CP: variants seen among roughly 807,000 people sequenced by gnomAD.
CP encodes the protein caeruloplasmin.
Under a neutral mutation model 122.4 loss-of-function variants are expected in CP, and 64 were observed. The ratio of observed to expected loss-of-function variants is 0.52; its 90% CI spans 0.43 to 0.64. The LOEUF is 0.64. Ranked by LOEUF, CP falls within the 30% of genes least tolerant of loss-of-function variation. The pLI is 0.00. For synonymous variants in CP, 440 were observed against 436.4 expected, an observed-to-expected ratio of 1.01 and a Z score of -0.10; for missense variants, 1,167 against 1,284.4, an observed-to-expected ratio of 0.91 and a Z score of 1.40.
intron 1 of CP, among the ~76,000 whole-genome samples, chr3:149,215,958 T>C (rs1368138715): frequency 6.6e-6 from 1 of 152,200 alleles, no homozygotes; most frequent in Non-Finnish European, 1.5e-5. Flanking sequence ...AATAGTAGCA[T>C]AACTATTTTT....
At chr3:149,183,352 A>G in intron 13 of CP, 114 bp downstream of exon 13, 5 of 1,086,508 alleles carry the variant, frequency 4.6e-6, no homozygotes, top group Non-Finnish European at 6.8e-6. Flanking sequence ...TTTTTATTTG[A>G]ACAACTTTGA....
In CP at chr3:149,221,667, C is replaced by A. The variant is rs1388706320; in HGVS notation, c.126G>T (p.Lys42Asn). 1.2e-6 allele frequency: 2 copies of A among 1,611,854 alleles called. No individual in the cohort carries two copies. The highest frequency in any genetic ancestry group is 1.1e-5 in the South Asian group (1 of 90,068). ...CTTACGTGTCAACAGAAATAAGTTT[C>A]TTTTCCCCATGGTCAGAGGCATAAT... The part of the protein sequence containing the change: ...TWDYASDHGE[K>N]KLISVDTEHS... The change falls in exon 1 of 19, where the codon AAG becomes AAT. Residue 42 changes from lysine (K) to asparagine (N), a missense_variant. Physicochemically the swap from Lys to Asn is moderately conservative, Grantham distance 94. This residue lies in a region of CP where 642 missense variants were observed against 627.3 expected (regional missense o/e 1.02). Coordinates refer to ENST00000264613, the MANE Select transcript of CP (RefSeq NM_000096.4).
chr3:149,172,207 GA>G, downstream of CP: 1 of 1,613,296 alleles, frequency 6.2e-7, no homozygotes, highest in Non-Finnish European at 8.5e-7. Flanking sequence ...GCAGTCGAAA[GA>G]AACCATTGAC....
At chr3:149,168,756 G>C (rs1430320138), downstream of CP, among the ~76,000 whole-genome samples, 1 of 152,128 alleles carries the variant, frequency 6.6e-6, no homozygotes, top group East Asian at 1.9e-4. Context: ...CCGTCTCCCT[G>C]ATTGCTTTAG....
chr3:149,186,412 GA>G lies in CP; in HGVS notation c.2077+107del, dbSNP rs1726174062. 4 of 1,052,640 alleles carry G rather than the reference GA, an allele frequency of 3.8e-6. No individual in the cohort carries two copies. In the East Asian group the frequency reaches 1.0e-4, roughly 27 times the overall value. 65.2% of individuals were successfully genotyped at this position (1,052,640 alleles called of 1,614,324 possible). On this transcript the variant is annotated intron_variant, in intron 11 of 18. Coordinates refer to ENST00000264613, the MANE Select transcript of CP (RefSeq NM_000096.4). ...TTTCAAAGATAGGAAGGGCACTTCA[GA>G]GGCTTGGGGAAGGGATAAGTTTATC...
At chr3:149,164,501 C>T (rs947298979) in intron 5 of CP, among the ~76,000 whole-genome samples, 6 of 152,220 alleles carry the variant, frequency 3.9e-5, no homozygotes, top group African/African-American at 1.4e-4. Flanking sequence ...TTAAAGTCCA[C>T]ATTTGACTTG....
chr3:149,208,987 T>C (rs1227650442), intron 4 of CP, among the ~76,000 whole-genome samples: 3 of 152,214 alleles, frequency 2.0e-5, no homozygotes, highest in African/African-American at 7.2e-5. Context: ...ATTGATGCTT[T>C]ATCCTTACCA....
chr3:149,186,523 CTG>C lies in CP; in HGVS notation c.2072_2073del (p.Thr691ArgfsTer5). On this transcript the variant is annotated frameshift_variant, in exon 11 of 19. Coordinates refer to ENST00000264613, the MANE Select transcript of CP (RefSeq NM_000096.4). LOFTEE classifies it high-confidence loss of function. Reference protein sequence around the residue: ...TSLTLHMWPDTEGTFNVECLT... With the variant: ...TSLTLHMWPDXEGTFNVECLT... ...ACTTGGCTTTAAGTAAATATACCCT[CTG>C]TGTCAGGCCACATGTGGAGCGTAAG... The C allele has an allele frequency of 6.2e-7, 1 of 1,614,106 alleles. No individual in the cohort carries two copies. The highest frequency in any genetic ancestry group is 8.5e-7 in the Non-Finnish European group (1 of 1,179,952).
chr3:149,167,571 C>G (rs1724552019), downstream of CP, among the ~76,000 whole-genome samples: 1 of 152,010 alleles, frequency 6.6e-6, no homozygotes, highest in Non-Finnish European at 1.5e-5. Flanking sequence ...AATTTTGGAC[C>G]TTAGTTCTTT....
chr3:149,202,231 C>G lies in CP; in HGVS notation c.1219G>C (p.Val407Leu). Residue 407 changes from valine to leucine, a missense_variant, in exon 7 of 19, where the codon GTG becomes CTG. Physicochemically the swap from Val to Leu is conservative, Grantham distance 32 (BLOSUM62 1). Transcript: ENST00000264613. The stretch of plus-strand genomic sequence containing the variant: ...CTTGTGGTACCTTGTTCAAAAAACA[C>G]CGCTGAGTCACTGCAGGGGGAAAAA... Reference protein sequence around the residue: ...NLTAPGSDSAVFFEQGTTRIG... With the variant: ...NLTAPGSDSALFFEQGTTRIG... The G allele has an allele frequency of 6.2e-7, 1 of 1,614,154 alleles. No individual in the cohort carries two copies. Among genetic ancestry groups the G allele is most frequent in the Non-Finnish European group, 8.5e-7 (1 of 1,180,024 alleles).
At chr3:149,163,729 A>G (rs1724118917) in intron 5 of CP, 4 of 666,226 alleles carry the variant, frequency 6.0e-6, no homozygotes, top group African/African-American at 3.6e-5. Context: ...AGGAAAGTAT[A>G]TACCTAATTC....
At chr3:149,179,709 T>G in intron 14 of CP, 47 bp from the exon 15 acceptor site, 1 of 897,300 alleles carries the variant, frequency 1.1e-6, no homozygotes, top group Non-Finnish European at 1.7e-6. Context: ...TGGTTTATAT[T>G]GTACACACAC....
downstream of CP, among the ~76,000 whole-genome samples, chr3:149,170,828 G>A (rs1429927382): frequency 1.3e-5 from 2 of 152,204 alleles, no homozygotes; most frequent in African/African-American, 4.8e-5. Flanking sequence ...GCACTGACAT[G>A]TGGATAGAAG....
In CP at chr3:149,183,608, TAAAA is replaced by T; in HGVS notation, c.2286-7_2286-4del. 7.8e-7 allele frequency: 1 copy of T among 1,285,328 alleles called. No homozygotes were observed. The highest frequency in any genetic ancestry group is 1.4e-5 in the South Asian group (1 of 69,584). The allele number at this position is 1,285,328 out of a possible 1,614,324, so 79.6% of individuals were successfully genotyped here. A position where few individuals can be genotyped will look rare whatever the true frequency, so the allele number is the denominator to read the frequency against. ...TATCTAAAAATGCATTTGAAACACT[TAAAA>T]AAAAAAACAACTAAGGTTAGTATTT... is the stretch of plus-strand genomic sequence containing the variant. On this transcript the variant is annotated splice_polypyrimidine_tract_variant and splice_region_variant and intron_variant, in intron 12 of 18. Coordinates refer to ENST00000264613, the MANE Select transcript of CP (RefSeq NM_000096.4).
chr3:149,181,602 T>G (rs16861593), intron 14 of CP, among the ~76,000 whole-genome samples: 34,134 of 152,050 alleles, frequency 0.22, 4,168 homozygotes, highest in African/African-American at 0.3. Flanking sequence ...CCAGATACTG[T>G]ACTAGATAGG....
At chr3:149,214,479 C>T (rs1205570423) in intron 1 of CP, among the ~76,000 whole-genome samples, 1 of 152,154 alleles carries the variant, frequency 6.6e-6, no homozygotes, top group Admixed American at 6.5e-5. Flanking sequence ...AAATTATTCA[C>T]TAAAAAAATG....
At position 149,182,002 on chromosome 3, in the gene CP, T is replaced by TA. The variant is rs1725819086; in HGVS notation, c.2554+2dup. ...CCACCCCCACCCCCGCCCCCGTGAG[T>TA]ACCTGGTAATGTTGGAGTAACTGTA... On this transcript the variant is annotated splice_region_variant and intron_variant, in intron 14 of 18. Coordinates refer to ENST00000264613, the MANE Select transcript of CP (RefSeq NM_000096.4). 1 of 387,044 alleles carries TA rather than the reference T, an allele frequency of 2.6e-6. No homozygotes were observed. Among genetic ancestry groups the TA allele is most frequent in the African/African-American group, 4.4e-5 (1 of 22,966 alleles). The allele number at this position is 387,044 out of a possible 1,614,324, so 24.0% of individuals were successfully genotyped here. A position where few individuals can be genotyped will look rare whatever the true frequency, so the allele number is the denominator to read the frequency against.
At chr3:149,166,140 TG>T in intron 4 of CP, 1 of 396,550 alleles carries the variant, frequency 2.5e-6, no homozygotes, top group Non-Finnish European at 5.0e-6. Context: ...ATTATTTTGG[TG>T]GTAGAATCAA....
intron 11 of CP, chr3:149,186,300 A>C (rs1038639502): frequency 7.0e-5 from 41 of 585,014 alleles, no homozygotes; most frequent in African/African-American, 6.3e-4. Flanking sequence ...AAACCACACC[A>C]TGTTCTTTTA....
Sources: gnomAD v4.1 joint callset for allele counts (sites outside exome capture counted in the v4.1 genomes callset) on GRCh38, gnomAD v4.1.1 for gene constraint, gnomAD v4.1.1 regional missense constraint, MANE v1.5 for transcripts, NCBI Gene and HGNC (gene_info 2026-07-23, HGNC 2026-07-21) for gene names.